NTM: variants seen among roughly 807,000 people sequenced by gnomAD.
NTM encodes IgLON family member 2.
Under a neutral mutation model 42.1 loss-of-function variants are expected in NTM, and 13 were observed. That is an observed-to-expected ratio of 0.31 (90% confidence interval 0.20 to 0.49). NTM has a LOEUF of 0.49. NTM is among the 20% of genes least tolerant of loss of function. NTM has a pLI of 0.99. For missense variants in NTM, 373 were observed against 452.8 expected (o/e 0.82, Z 1.60); for synonymous variants, 187 against 179.2 (o/e 1.04, Z -0.35).
At chr11:132,249,181 C>T (rs2091629201) in intron 4 of NTM, among the ~76,000 whole-genome samples, 1 of 152,224 alleles carries the variant, frequency 6.6e-6, no homozygotes, top group South Asian at 2.1e-4. Flanking sequence ...CAATCATATT[C>T]TAAATGAGCT....
At chr11:131,854,920 A>C (rs1352023583) in intron 1 of NTM, among the ~76,000 whole-genome samples, 1 of 152,132 alleles carries the variant, frequency 6.6e-6, no homozygotes, top group Admixed American at 6.6e-5. Context: ...TGCTTAGCAA[A>C]TAATACATAG....
intron 1 of NTM, among the ~76,000 whole-genome samples, chr11:131,560,393 T>A (rs1244874213): frequency 6.6e-6 from 1 of 152,312 alleles, no homozygotes; most frequent in African/African-American, 2.4e-5. Flanking sequence ...AGCCAGAATA[T>A]ATGTTCCAAC....
intron 1 of NTM, among the ~76,000 whole-genome samples, chr11:131,378,493 G>A (rs1437660599): frequency 1.3e-5 from 2 of 152,206 alleles, no homozygotes; most frequent in African/African-American, 4.8e-5. Flanking sequence ...AATGGTGTGT[G>A]TGCGTGCAAA....
chr11:131,957,920 C>A (rs982944043), intron 2 of NTM, among the ~76,000 whole-genome samples: 1 of 151,928 alleles, frequency 6.6e-6, no homozygotes, highest in Non-Finnish European at 1.5e-5. Context: ...TCCTTTGTGG[C>A]CTCATGCAGA....
chr11:131,577,209 T>C lies in NTM; in HGVS notation c.82+206321T>C, dbSNP rs566532887. Reference sequence around the variant, plus strand: ...TTGTGAAGGTTGAAGAAATCATGTATTTGAACATACCTTGTAGCTAGAAGG... The same window carrying C: ...TTGTGAAGGTTGAAGAAATCATGTACTTGAACATACCTTGTAGCTAGAAGG... On this transcript the variant is annotated intron_variant, in intron 1 of 8. Coordinates refer to ENST00000683400, the MANE Select transcript of NTM (RefSeq NM_001352005.2). Among the ~76,000 whole-genome samples the C allele has an allele frequency of 7.9e-5, 12 of 152,336 alleles. No individual in the cohort carries two copies. In the South Asian group the frequency reaches 2.5e-3, roughly 32 times the overall value.
intron 3 of NTM, among the ~76,000 whole-genome samples, chr11:132,178,809 AG>A (rs1382837771): frequency 6.6e-6 from 1 of 151,684 alleles, no homozygotes; most frequent in Non-Finnish European, 1.5e-5. Flanking sequence ...AGGTTATGTA[AG>A]AGAGGAAGTA....
At chr11:132,108,399 G>A (rs1156667906) in intron 2 of NTM, among the ~76,000 whole-genome samples, 1 of 152,150 alleles carries the variant, frequency 6.6e-6, no homozygotes, top group East Asian at 1.9e-4. Context: ...GGATGGAATT[G>A]GAGGCCATTA....
intron 7 of NTM, among the ~76,000 whole-genome samples, chr11:132,318,372 CTG>C (rs960484939): frequency 6.6e-6 from 1 of 152,188 alleles, no homozygotes; most frequent in African/African-American, 2.4e-5. Context: ...GCTTTGAAAA[CTG>C]TGAGGTGCAT....
intron 1 of NTM, among the ~76,000 whole-genome samples, chr11:131,522,037 G>A (rs1381301267): frequency 1.3e-5 from 2 of 152,084 alleles, no homozygotes; most frequent in Non-Finnish European, 2.9e-5. Flanking sequence ...GGATCGCCAG[G>A]CAGATATATG....
intron 1 of NTM, among the ~76,000 whole-genome samples, chr11:131,733,463 T>TTCTTTAC: frequency 8.9e-6 from 1 of 112,668 alleles, no homozygotes; most frequent in African/African-American, 3.6e-5. Context: ...TCCTTCCTTC[T>TTCTTTAC]TTCCTTCCTT....
chr11:131,509,320 C>T (rs375394499), intron 1 of NTM, among the ~76,000 whole-genome samples: 14 of 152,196 alleles, frequency 9.2e-5, no homozygotes, highest in Non-Finnish European at 2.1e-4. Context: ...CTCCCAATAA[C>T]TCCGCTTTGG....
intron 1 of NTM, among the ~76,000 whole-genome samples, chr11:131,723,790 G>A (rs76577774): frequency 4.1e-4 from 63 of 152,112 alleles, no homozygotes; most frequent in African/African-American, 1.4e-3. Context: ...GTGCATGTGC[G>A]TGTGCATTTC....
At chr11:131,409,251 A>G (rs1474518914) in intron 1 of NTM, among the ~76,000 whole-genome samples, 1 of 152,248 alleles carries the variant, frequency 6.6e-6, no homozygotes, top group African/African-American at 2.4e-5. Flanking sequence ...AAGCAGAAGG[A>G]AGCAGGAGGG....
chr11:132,141,789 G>A (rs1455755287), intron 2 of NTM, among the ~76,000 whole-genome samples: 1 of 152,236 alleles, frequency 6.6e-6, no homozygotes, highest in Admixed American at 6.5e-5. Context: ...CCTTTTCCAG[G>A]CTTTATTTCT....
rs143039792 is a variant in NTM, at chr11:132,049,672, G to A, written c.168-96610G>A. Among the ~76,000 whole-genome samples, 744 of 152,312 alleles carry A rather than the reference G, an allele frequency of 4.9e-3. 2 individuals are homozygous for A. The highest frequency in any genetic ancestry group is 7.9e-3 in the Non-Finnish European group (539 of 68,032). ...AGGTTTTGCCTATCTCAATGGCAGC[G>A]TGACTGGTGGGATGTGACACCTCTG... On this transcript the variant is annotated intron_variant, in intron 2 of 8. Transcript: ENST00000683400.
chr11:132,236,021 C>CACACGCAT (rs71477750), intron 4 of NTM, among the ~76,000 whole-genome samples: 1 of 150,798 alleles, frequency 6.6e-6, no homozygotes, highest in Non-Finnish European at 1.5e-5. Flanking sequence ...CACACACACA[C>CACACGCAT]AACAAAATTG....
chr11:131,572,739 C>T (rs780350902), intron 1 of NTM, among the ~76,000 whole-genome samples: 2 of 152,278 alleles, frequency 1.3e-5, no homozygotes, highest in South Asian at 2.1e-4. Context: ...TAAGGTGTGG[C>T]GTGATTTGCA....
intron 1 of NTM, among the ~76,000 whole-genome samples, chr11:131,691,080 C>A (rs1037755861): frequency 6.6e-6 from 1 of 152,162 alleles, no homozygotes; most frequent in Non-Finnish European, 1.5e-5. Context: ...GCAGAGGATC[C>A]GGCGCCTGCC....
intron 1 of NTM, among the ~76,000 whole-genome samples, chr11:131,653,056 C>T (rs1283861656): frequency 1.3e-5 from 2 of 152,326 alleles, no homozygotes; most frequent in East Asian, 1.9e-4. Flanking sequence ...TGACGAGCTG[C>T]TGCAATTTCT....
Sources: allele counts gnomAD v4.1 joint callset (sites outside exome capture counted in the v4.1 genomes callset), GRCh38; gene constraint gnomAD v4.1.1; transcripts MANE v1.5; gene names NCBI Gene and HGNC (gene_info 2026-07-23, HGNC 2026-07-21).